The following LCT variants were observed in gnomAD, a reference collection of about 807,000 sequenced individuals.
LCT encodes the protein lactase, also known as lactase/phlorizin hydrolase.
Under a neutral mutation model 173.0 loss-of-function variants are expected in LCT, and 90 were observed. The observed-to-expected ratio is 0.52, with a 90% CI of 0.44 to 0.62. LCT has a LOEUF of 0.62. Among genes scored for constraint, LCT ranks in the 20% least tolerant of loss-of-function variants. The pLI is 0.00. For missense variants in LCT, 1,864 were observed against 2,431.4 expected, an observed-to-expected ratio of 0.77 and a Z score of 4.91; for synonymous variants, 853 against 957.6, an observed-to-expected ratio of 0.89 and a Z score of 2.02.
At chr2:135,799,381 G>T (rs2077607302) in intron 12 of LCT, among the ~76,000 whole-genome samples, 1 of 152,124 alleles carries the variant, frequency 6.6e-6, no homozygotes, top group Non-Finnish European at 1.5e-5. Context: ...GGAGCCAGAG[G>T]AGCTGTGCCG....
intron 4 of LCT, chr2:135,822,667 AG>A (rs1410016156): frequency 1.2e-5 from 2 of 160,740 alleles, no homozygotes; most frequent in African/African-American, 4.8e-5. Context: ...GATAAACTTC[AG>A]GGGCCCTGTG....
intron 3 of LCT, among the ~76,000 whole-genome samples, chr2:135,827,861 T>C (rs1227204473): frequency 6.6e-6 from 1 of 152,074 alleles, no homozygotes; most frequent in African/African-American, 2.4e-5. Flanking sequence ...ATCTTATTAT[T>C]TGTAGATAAC....
intron 11 of LCT, among the ~76,000 whole-genome samples, chr2:135,803,578 T>C (rs976811792): frequency 2.0e-5 from 3 of 152,200 alleles, no homozygotes; most frequent in Middle Eastern, 3.2e-3. Flanking sequence ...AAACCAATTG[T>C]CAGAAACTTT....
At chr2:135,820,290 G>T (rs1011998187) in intron 5 of LCT, 1 of 152,242 alleles carries the variant, frequency 6.6e-6, no homozygotes, top group Non-Finnish European at 1.5e-5. Context: ...GAGAATCTCC[G>T]AGCTGGTGTC....
At chr2:135,802,028 T>A (rs12479285) in intron 11 of LCT, among the ~76,000 whole-genome samples, 149,283 of 152,166 alleles carry the variant, frequency 0.98, 73,277 homozygotes, top group East Asian at 1. Flanking sequence ...TGTGATCATT[T>A]GGGTTGGAGA....
At chr2:135,804,716 G>C in intron 10 of LCT, 51 bp downstream of exon 10, 1 of 1,541,042 alleles carries the variant, frequency 6.5e-7, no homozygotes, top group Non-Finnish European at 9.0e-7. Flanking sequence ...CCCCAGCCCT[G>C]CTGGTTCCTG....
chr2:135,802,358 T>C (rs2105526921), intron 11 of LCT, among the ~76,000 whole-genome samples: 1 of 152,346 alleles, frequency 6.6e-6, no homozygotes, highest in African/African-American at 2.4e-5. Context: ...AATCTTACTT[T>C]TGGGTATTTA....
In LCT at chr2:135,794,811, GGA is replaced by G. The variant is rs748516586; in HGVS notation, c.4977-38_4977-37del. On this transcript the variant is annotated intron_variant, in intron 13 of 16. Transcript: ENST00000264162. ...GAAGCCATTGAGGGCAGGGCTTCAG[GGA>G]GAGCCATGCTTTGAGAAGAGAACGT... 1.9e-6 allele frequency: 3 copies of G among 1,613,432 alleles called. No individual in the cohort carries two copies. The African/African-American group carries it at 4.0e-5, about 22-fold the overall frequency.
intron 2 of LCT, among the ~76,000 whole-genome samples, chr2:135,831,136 A>G (rs2077934520): frequency 6.6e-6 from 1 of 152,038 alleles, no homozygotes; most frequent in Admixed American, 6.5e-5. Flanking sequence ...AAGCTTGGGA[A>G]CCACTGGTCT....
intron 5 of LCT, among the ~76,000 whole-genome samples, chr2:135,821,407 C>A (rs1449610758): frequency 6.6e-6 from 1 of 152,180 alleles, no homozygotes; most frequent in African/African-American, 2.4e-5. Context: ...GAACCCATTT[C>A]TCTTACTCAT....
chr2:135,795,870 C>G (rs1447521770), intron 13 of LCT, among the ~76,000 whole-genome samples: 1 of 152,056 alleles, frequency 6.6e-6, no homozygotes, highest in Non-Finnish European at 1.5e-5. Context: ...AAGCAATCCT[C>G]TCACCTCAGC....
rs1455556543 is a variant in LCT, at chr2:135,804,086, C to T, written c.4507G>A (p.Val1503Ile). 11 of 1,614,060 alleles carry T rather than the reference C, an allele frequency of 6.8e-6. No homozygotes were observed. Among genetic ancestry groups the T allele is most frequent in the South Asian group, 1.1e-5 (1 of 91,076 alleles). The change falls in exon 11 of 17, where the codon GTA becomes ATA. Residue 1503 changes from valine (V) to isoleucine (I), a missense_variant. Transcript: ENST00000264162. ...HWDLPQTLQD[V>I]GGWENETIVQ... ...ATGGTCTCATTCTCCCAGCCTCCTA[C>T]ATCTTGGAGCGTCTGTGGTAGGTCC... is the stretch of plus-strand genomic sequence containing the variant.
rs1334638693 is a variant in LCT at position 135,795,721 on chromosome 2, A to G, written c.4977-946T>C. On this transcript the variant is annotated intron_variant, in intron 13 of 16. Transcript: ENST00000264162. ...TGAATTTCTCAGTTCTCACGATTTC[A>G]CTGAACTTTGTTTTCTTTCTTCCTT... Among the ~76,000 whole-genome samples, 3 of 151,800 alleles carry G rather than the reference A, an allele frequency of 2.0e-5. No individual in the cohort carries two copies. In the South Asian group the frequency reaches 6.2e-4, roughly 32 times the overall value.
rs373739977 is a variant in LCT, at chr2:135,788,384, G to T, written c.5724C>A (p.Arg1908=). 144 of 1,614,038 alleles carry T rather than the reference G, an allele frequency of 8.9e-5. No homozygotes were observed. The highest frequency in any genetic ancestry group is 1.6e-4 in the Middle Eastern group (1 of 6,072). The stretch of plus-strand genomic sequence containing the variant: ...TTCGTTGTGTTTTCCCTTGCTTAGA[G>T]CGCTTGCAGTACTTGTATGACAGAA... The part of the protein sequence containing the change: ...LAFLSYKYCK[R]SKQGKTQRSQ... Residue 1908 remains arginine, a synonymous_variant, in exon 17 of 17, where the codon CGC becomes CGA. Transcript: ENST00000264162.
chr2:135,801,327 G>T (rs1422382054), intron 11 of LCT, among the ~76,000 whole-genome samples: 1 of 152,212 alleles, frequency 6.6e-6, no homozygotes, highest in African/African-American at 2.4e-5. Context: ...AAACTAGAGA[G>T]ACTAAAGAGA....
intron 10 of LCT, among the ~76,000 whole-genome samples, chr2:135,804,346 C>T (rs1264050476): frequency 6.6e-6 from 1 of 152,168 alleles, no homozygotes; most frequent in African/African-American, 2.4e-5. Flanking sequence ...CTCTTTTATG[C>T]TTTTCAAATT....
At chr2:135,798,232 C>G in intron 12 of LCT, 94 bp from the exon 13 acceptor site, 1 of 780,686 alleles carries the variant, frequency 1.3e-6, no homozygotes, top group Non-Finnish European at 2.3e-6. Flanking sequence ...GCCTCACAAC[C>G]TCCCTCCTTT....
At chr2:135,827,631 G>T (rs1339443698) in intron 3 of LCT, among the ~76,000 whole-genome samples, 1 of 152,180 alleles carries the variant, frequency 6.6e-6, no homozygotes, top group Non-Finnish European at 1.5e-5. Context: ...TCAGGCATTT[G>T]ATTCTCATAA....
chr2:135,823,486 C>G (rs189507952), intron 4 of LCT, among the ~76,000 whole-genome samples: 116 of 152,250 alleles, frequency 7.6e-4, no homozygotes, highest in African/African-American at 1.1e-3. Flanking sequence ...CATGTGCAAA[C>G]TGAGATAATG....
Sources: gnomAD v4.1 joint callset for allele counts (sites outside exome capture counted in the v4.1 genomes callset) on GRCh38, gnomAD v4.1.1 for gene constraint, MANE v1.5 for transcripts, NCBI Gene and HGNC (gene_info 2026-07-23, HGNC 2026-07-21) for gene names.